NAALADL2: variants seen among roughly 807,000 people sequenced by gnomAD.
NAALADL2 encodes inactive N-acetylated-alpha-linked acidic dipeptidase-like protein 2.
Under a neutral mutation model 87.2 loss-of-function variants are expected in NAALADL2, and 76 were observed. That is an observed-to-expected ratio of 0.87 (90% CI 0.72 to 1.05). The LOEUF is 1.05. NAALADL2 is among the 50% of genes least tolerant of loss of function. The pLI is 0.00. For missense variants in NAALADL2, 1,089 were observed against 945.8 expected (o/e 1.15, Z -1.99); for synonymous variants, 354 against 331.0 (o/e 1.07, Z -0.75).
intron 2 of NAALADL2, among the ~76,000 whole-genome samples, chr3:175,124,231 T>C (rs1446355124): frequency 1.3e-5 from 2 of 152,024 alleles, no homozygotes; most frequent in Non-Finnish European, 2.9e-5. Context: ...GAAGTAATAA[T>C]AGCAGTTTTA....
chr3:174,923,115 A>G (rs1735475969), intron 1 of NAALADL2, among the ~76,000 whole-genome samples: 1 of 152,174 alleles, frequency 6.6e-6, no homozygotes, highest in Non-Finnish European at 1.5e-5. Flanking sequence ...TAAATACAAG[A>G]TGAGCCTGAA....
chr3:175,187,578 AT>A (rs1234807665), intron 2 of NAALADL2, among the ~76,000 whole-genome samples: 1 of 152,152 alleles, frequency 6.6e-6, no homozygotes, highest in Non-Finnish European at 1.5e-5. Context: ...TTATTTTATT[AT>A]GTATGTATAT....
intron 2 of NAALADL2, among the ~76,000 whole-genome samples, chr3:175,223,578 C>G (rs1415332088): frequency 6.6e-6 from 1 of 152,088 alleles, no homozygotes; most frequent in Non-Finnish European, 1.5e-5. Context: ...TCATGAAAAA[C>G]TATACAATGA....
intron 1 of NAALADL2, among the ~76,000 whole-genome samples, chr3:175,056,608 G>T (rs909407129): frequency 1.3e-5 from 2 of 152,110 alleles, no homozygotes; most frequent in African/African-American, 4.8e-5. Flanking sequence ...GAAATCAGGG[G>T]TCTTATAGCC....
intron 2 of NAALADL2, among the ~76,000 whole-genome samples, chr3:175,195,819 C>T (rs1390923890): frequency 6.6e-6 from 1 of 151,918 alleles, no homozygotes; most frequent in Non-Finnish European, 1.5e-5. Flanking sequence ...TTCAATGCTT[C>T]AATGGTATAA....
At chr3:175,784,980 G>A (rs1172241944) in intron 13 of NAALADL2, among the ~76,000 whole-genome samples, 138 of 149,368 alleles carry the variant, frequency 9.2e-4, no homozygotes, top group African/African-American at 3.3e-3. Context: ...TCATTCAGGA[G>A]CAGGTTGTCC....
At chr3:175,375,890 C>T (rs1398505485) in intron 5 of NAALADL2, among the ~76,000 whole-genome samples, 1 of 151,994 alleles carries the variant, frequency 6.6e-6, no homozygotes, top group Non-Finnish European at 1.5e-5. Context: ...TTTACCTCCT[C>T]TATTGACATT....
chr3:174,976,982 A>G (rs1744440552), intron 1 of NAALADL2, among the ~76,000 whole-genome samples: 1 of 152,220 alleles, frequency 6.6e-6, no homozygotes, highest in Admixed American at 6.5e-5. Context: ...AGCTAGCCAG[A>G]AAATGTCTGC....
At chr3:174,754,061 C>T (rs1156963342) in intron 3 of NAALADL2, among the ~76,000 whole-genome samples, 1 of 152,178 alleles carries the variant, frequency 6.6e-6, no homozygotes, top group East Asian at 1.9e-4. Flanking sequence ...TACTTTTAAA[C>T]CCACCCAGTC....
intron 3 of NAALADL2, among the ~76,000 whole-genome samples, chr3:174,787,620 T>TATATATATATATATATATAG: frequency 8.5e-6 from 1 of 117,504 alleles, no homozygotes; most frequent in Admixed American, 9.2e-5. Context: ...TATATATATA[T>TATATATATATATATATATAG]AGTAGTGACT....
intron 2 of NAALADL2, among the ~76,000 whole-genome samples, chr3:174,646,922 A>G (rs1030067657): frequency 6.6e-6 from 1 of 152,162 alleles, no homozygotes; most frequent in East Asian, 1.9e-4. Context: ...GTCTGACGAC[A>G]TATTCTCTGC....
intron 9 of NAALADL2, among the ~76,000 whole-genome samples, chr3:175,511,876 T>C (rs1731207737): frequency 6.6e-6 from 1 of 152,218 alleles, no homozygotes; most frequent in African/African-American, 2.4e-5. Flanking sequence ...AATCATACTT[T>C]AACCTAGGGT....
At chr3:174,950,858 C>A (rs1450838428) in intron 1 of NAALADL2, among the ~76,000 whole-genome samples, 1 of 152,062 alleles carries the variant, frequency 6.6e-6, no homozygotes, top group Non-Finnish European at 1.5e-5. Context: ...AATTTAATTT[C>A]ATTTGAATCA....
chr3:175,133,219 A>G (rs1336048553), intron 2 of NAALADL2, among the ~76,000 whole-genome samples: 1 of 145,178 alleles, frequency 6.9e-6, no homozygotes, highest in Non-Finnish European at 1.5e-5. Flanking sequence ...CCGGGCAGAG[A>G]CGCTCCTCAC....
chr3:175,513,838 A>G (rs1260528023), intron 9 of NAALADL2, among the ~76,000 whole-genome samples: 1 of 152,252 alleles, frequency 6.6e-6, no homozygotes, highest in Non-Finnish European at 1.5e-5. Context: ...TCCAAGGTCA[A>G]GGAGTCCTGT....
At chr3:174,771,440 G>A (rs1332182880) in intron 3 of NAALADL2, among the ~76,000 whole-genome samples, 1 of 152,162 alleles carries the variant, frequency 6.6e-6, no homozygotes, top group Non-Finnish European at 1.5e-5. Context: ...GTTACTGAAT[G>A]AGGAAAAGAT....
At chr3:174,583,767 G>T (rs1408220989) in intron 2 of NAALADL2, among the ~76,000 whole-genome samples, 1 of 151,902 alleles carries the variant, frequency 6.6e-6, no homozygotes, top group Non-Finnish European at 1.5e-5. Flanking sequence ...TGAATGTTTG[G>T]AATTTCATTT....
intron 2 of NAALADL2, among the ~76,000 whole-genome samples, chr3:174,702,808 C>T (rs1345900289): frequency 6.6e-6 from 1 of 152,162 alleles, no homozygotes; most frequent in Non-Finnish European, 1.5e-5. Context: ...TTTACCAAAA[C>T]ATCGTTATGC....
intron 1 of NAALADL2, among the ~76,000 whole-genome samples, chr3:174,888,088 A>G (rs1291326642): frequency 6.6e-6 from 1 of 152,194 alleles, no homozygotes; most frequent in Non-Finnish European, 1.5e-5. Flanking sequence ...AAATGATGAA[A>G]TAAGCCAGCA....
Sources: gnomAD v4.1 joint callset for allele counts (sites outside exome capture counted in the v4.1 genomes callset) on GRCh38, gnomAD v4.1.1 for gene constraint, MANE v1.5 for transcripts, NCBI Gene and HGNC (gene_info 2026-07-23, HGNC 2026-07-21) for gene names.